Variants in KLHL18 observed in about 807,000 individuals in gnomAD.
The protein encoded by KLHL18 is kelch like family member 18.
A neutral mutation model predicts 58.5 loss-of-function variants in KLHL18; 38 were observed. The observed-to-expected ratio is 0.65, with a 90% CI of 0.50 to 0.85. The LOEUF is 0.85. Among genes scored for constraint, KLHL18 ranks in the 40% least tolerant of loss-of-function variants. The pLI, the probability that KLHL18 is intolerant of heterozygous loss-of-function variation, is 0.00. For synonymous variants in KLHL18, 303 were observed against 301.9 expected (o/e 1.00, Z -0.04); for missense variants, 624 against 778.4 (o/e 0.80, Z 2.36).
chr3:47,327,622 G>A (rs960272277), intron 3 of KLHL18, among the ~76,000 whole-genome samples: 12 of 152,356 alleles, frequency 7.9e-5, no homozygotes, highest in African/African-American at 1.9e-4. Flanking sequence ...GACCTTCAGC[G>A]CTGTATTCCT....
intron 1 of KLHL18, among the ~76,000 whole-genome samples, chr3:47,309,235 C>T (rs1386438448): frequency 4.6e-5 from 7 of 152,120 alleles, no homozygotes. Context: ...CTTTTCTATT[C>T]GACAAAACCG....
chr3:47,295,787 C>G (rs1412006372), intron 1 of KLHL18, among the ~76,000 whole-genome samples: 2 of 151,902 alleles, frequency 1.3e-5, no homozygotes, highest in Non-Finnish European at 2.9e-5. Flanking sequence ...GCTTTGTTGC[C>G]CAGGCTGGTC....
chr3:47,334,602 T>G lies in KLHL18; in HGVS notation c.762-81T>G. 4 of 1,529,204 alleles carry G rather than the reference T, an allele frequency of 2.6e-6. No individual in the cohort carries two copies. Among genetic ancestry groups the G allele is most frequent in the Non-Finnish European group, 3.6e-6 (4 of 1,113,654 alleles). 94.7% of individuals were successfully genotyped at this position (1,529,204 alleles called of 1,614,324 possible). On this transcript the variant is annotated intron_variant, in intron 5 of 9. Coordinates refer to ENST00000232766, the MANE Select transcript of KLHL18 (RefSeq NM_025010.5). This position sits in a 1 kb window ranked among gnomAD's most constrained non-coding sequence, Gnocchi z 4.7. ...CCCAGGTTTCCCCTGCAGTTGGCAG[T>G]GGAGAGCCAGGCTCAGAGATGCAAA...
At chr3:47,340,533 G>T in intron 7 of KLHL18, 39 bp from the exon 8 acceptor site, 1 of 1,613,262 alleles carries the variant, frequency 6.2e-7, no homozygotes. Flanking sequence ...CTCCAGGAAG[G>T]CTGCGGCTCA....
intron 1 of KLHL18, among the ~76,000 whole-genome samples, chr3:47,300,672 T>C (rs1388021096): frequency 7.1e-6 from 1 of 140,530 alleles, no homozygotes; most frequent in African/African-American, 2.6e-5. Context: ...AGAGTTTTAC[T>C]CTTGTTGCCC....
chr3:47,322,453 A>T, intron 2 of KLHL18, 115 bp from the exon 3 acceptor site: 1 of 954,258 alleles, frequency 1.0e-6, no homozygotes, highest in Non-Finnish European at 1.5e-6. Context: ...TTACTCCATT[A>T]GATAGATTCT....
At chr3:47,328,211 CTTTTTT>C (rs11349887) in intron 3 of KLHL18, among the ~76,000 whole-genome samples, 2 of 141,494 alleles carry the variant, frequency 1.4e-5, no homozygotes, top group East Asian at 2.1e-4. Flanking sequence ...CCAAAAAACA[CTTTTTT>C]TTTTTTTTTT....
rs1703614639 is a variant in KLHL18 at position 47,322,612 on chromosome 3, C to A, written c.305C>A (p.Ala102Asp). Residue 102 changes from alanine (A) to aspartate (D), a missense_variant, in exon 3 of 10, where the codon GCC becomes GAC. By Grantham distance (126) the Ala-to-Asp change is moderately radical (BLOSUM62 -2). Transcript: ENST00000232766. The stretch of plus-strand genomic sequence containing the variant: ...AACTTTGCCTACAACGGCAACCTTG[C>A]CATTGACCAGCAAAATGTCCAGTCA... Reference protein sequence around the residue: ...LINFAYNGNLAIDQQNVQSLL... With the variant: ...LINFAYNGNLDIDQQNVQSLL... 1 of 1,606,102 alleles carries A rather than the reference C, an allele frequency of 6.2e-7. No individual in the cohort carries two copies. The highest frequency in any genetic ancestry group is 1.3e-5 in the African/African-American group (1 of 74,602).
rs755569343 is a variant in KLHL18 at position 47,333,167 on chromosome 3, C to T, written c.611C>T (p.Ala204Val). The T allele has an allele frequency of 1.9e-6, 3 of 1,613,084 alleles. No homozygotes were observed. Among genetic ancestry groups the T allele is most frequent in the South Asian group, 2.2e-5 (2 of 90,950 alleles). Residue 204 changes from alanine to valine, a missense_variant, in exon 5 of 10, where the codon GCT (alanine) becomes GTT (valine). By Grantham distance (64) the Ala-to-Val change is moderately conservative. Transcript: ENST00000232766. ...NVKSEEQVFE[A>V]ALAWVRYDRE... ...CCACTCTCATGACAGGTCTTTGAAG[C>T]TGCATTGGCCTGGGTCAGATACGAC...
At chr3:47,308,018 C>T (rs1354062374) in intron 1 of KLHL18, among the ~76,000 whole-genome samples, 2 of 152,028 alleles carry the variant, frequency 1.3e-5, no homozygotes, top group African/African-American at 4.8e-5. Flanking sequence ...TAATTTATCC[C>T]TACTGCTTCT....
intron 9 of KLHL18, 25 bp from the exon 10 acceptor site, chr3:47,343,530 A>C (rs1576191197): frequency 6.2e-7 from 1 of 1,611,978 alleles, no homozygotes; most frequent in Non-Finnish European, 8.5e-7. Context: ...ACTGTCCTGT[A>C]CCTGTGCCTC....
At chr3:47,324,203 C>T (rs965600088) in intron 3 of KLHL18, among the ~76,000 whole-genome samples, 2 of 149,980 alleles carry the variant, frequency 1.3e-5, no homozygotes, top group South Asian at 2.1e-4. Flanking sequence ...CTTTCCTGCT[C>T]GTTTGTGAGC....
At position 47,343,662 on chromosome 3, in the gene KLHL18, CG is replaced by C. The variant is rs1559507025; in HGVS notation, c.1451del (p.Gly484AlafsTer23). On this transcript the variant is annotated frameshift_variant, in exon 10 of 10. Coordinates refer to ENST00000232766, the MANE Select transcript of KLHL18 (RefSeq NM_025010.5). LOFTEE classifies it high-confidence loss of function. Reference protein sequence around the residue: ...ASLGSKMFVCGGYDGSGFLSI... With the variant: ...ASLGSKMFVCXGYDGSGFLSI... The stretch of plus-strand genomic sequence containing the variant: ...CCCTGGGGAGCAAGATGTTTGTCTG[CG>C]GGGGCTACGATGGCTCTGGCTTCCT... The C allele has an allele frequency of 6.2e-7, 1 of 1,614,084 alleles. No individual in the cohort carries two copies. Among genetic ancestry groups the C allele is most frequent in the Non-Finnish European group, 8.5e-7 (1 of 1,180,034 alleles).
At chr3:47,302,660 G>C (rs181542105) in intron 1 of KLHL18, among the ~76,000 whole-genome samples, 37 of 152,300 alleles carry the variant, frequency 2.4e-4, no homozygotes, top group Admixed American at 1.4e-3. Flanking sequence ...AAGAAAATTT[G>C]TGTACAAGTG....
At position 47,334,743 on chromosome 3, in the gene KLHL18, A is replaced by G; in HGVS notation, c.822A>G (p.Pro274=). The change falls in exon 6 of 10, where the codon CCA becomes CCG. Residue 274 remains proline, a synonymous_variant. Transcript: ENST00000232766. The surrounding 1 kb of genome is among the most constrained non-coding windows in gnomAD (Gnocchi z 4.7). ...HLMPERRPHL[P]AFRTRPRCCT... ...TGCCAGAGCGCCGGCCCCACCTGCC[A>G]GCTTTCAGAACCCGGCCACGCTGCT... 4 of 1,614,190 alleles carry G rather than the reference A, an allele frequency of 2.5e-6. No homozygotes were observed. The highest frequency in any genetic ancestry group is 3.4e-6 in the Non-Finnish European group (4 of 1,180,018).
rs769288621 is a variant in KLHL18 at position 47,324,298 on chromosome 3, CTTTTTTTTTTT to C, written c.401+1606_401+1616del. On this transcript the variant is annotated intron_variant, in intron 3 of 9. Transcript: ENST00000232766. The stretch of plus-strand genomic sequence containing the variant: ...CTTCCTTTTTTCTTTTTCTTTCTTT[CTTTTTTTTTTT>C]TTTTTTTTTTTTTTTCTGTAAGGTA... 6.4e-4 allele frequency among the ~76,000 whole-genome samples: 24 copies of C among 37,480 alleles called. 1 individual carries two copies. Among genetic ancestry groups the C allele is most frequent in the East Asian group, 4.5e-3 (5 of 1,120 alleles). 24.6% of individuals were successfully genotyped at this position (37,480 alleles called of 152,430 possible).
At chr3:47,322,157 A>G (rs1241003920) in intron 2 of KLHL18, among the ~76,000 whole-genome samples, 1 of 152,232 alleles carries the variant, frequency 6.6e-6, no homozygotes, top group African/African-American at 2.4e-5. Flanking sequence ...AATAAAGGAA[A>G]TAAATGATAG....
At chr3:47,340,001 A>T (rs1172162774) in intron 7 of KLHL18, among the ~76,000 whole-genome samples, 4 of 152,166 alleles carry the variant, frequency 2.6e-5, no homozygotes, top group African/African-American at 9.7e-5. Context: ...GTGAGCTATG[A>T]TGGTACCACT....
intron 1 of KLHL18, among the ~76,000 whole-genome samples, chr3:47,289,571 A>G (rs944782622): frequency 2.6e-5 from 4 of 152,194 alleles, no homozygotes; most frequent in African/African-American, 9.7e-5. Context: ...TATGTTGTGT[A>G]TATAGTACAG....
Sources: allele counts gnomAD v4.1 joint callset (sites outside exome capture counted in the v4.1 genomes callset), GRCh38; gene constraint gnomAD v4.1.1; non-coding constraint Gnocchi (gnomAD v3.1); transcripts MANE v1.5; gene names NCBI Gene and HGNC (gene_info 2026-07-23, HGNC 2026-07-21).